Variants in PTK2B observed in about 807,000 individuals in gnomAD.
The protein encoded by PTK2B is protein tyrosine kinase 2 beta.
PTK2B carries 71 observed loss-of-function variants against 142.9 expected under a neutral mutation model. That is an observed-to-expected ratio of 0.50 (90% CI 0.41 to 0.61). The LOEUF (loss-of-function observed/expected upper bound fraction) is 0.61. Ranked by LOEUF, PTK2B falls within the 20% of genes least tolerant of loss-of-function variation. PTK2B has a pLI of 0.00. For synonymous variants in PTK2B, 519 were observed against 503.4 expected, an observed-to-expected ratio of 1.03 and a Z score of -0.42; for missense variants, 1,105 against 1,320.4, an observed-to-expected ratio of 0.84 and a Z score of 2.53.
chr8:27,434,161 G>T lies in PTK2B; in HGVS notation c.1145+29G>T, dbSNP rs780956658. On this transcript the variant is annotated intron_variant, in intron 12 of 30. Transcript: ENST00000346049. ...AGTACAATGGGGTGCAGAGGACAGG[G>T]CCCTGAGCTCAGCCTGTGCTGCTGA... 2.5e-6 allele frequency: 4 copies of T among 1,610,304 alleles called. No homozygotes were observed. In the Admixed American group the frequency reaches 5.0e-5, roughly 20 times the overall value.
chr8:27,426,767 C>A (rs1323774233), intron 5 of PTK2B, among the ~76,000 whole-genome samples: 1 of 152,110 alleles, frequency 6.6e-6, no homozygotes, highest in Non-Finnish European at 1.5e-5. Context: ...ATTGGGGTGA[C>A]CTTGATGTGC....
Position 27,349,196 on chromosome 8 carries a change from A to G in PTK2B, c.-38+23515A>G, listed in dbSNP as rs188093440. Among the ~76,000 whole-genome samples the G allele has an allele frequency of 2.4e-4, 36 of 152,342 alleles. 1 individual carries two copies. Among genetic ancestry groups the G allele is most frequent in the African/African-American group, 6.5e-4 (27 of 41,572 alleles). ...CACTGAGAAAACAACAGAGAAGGCC[A>G]GAGAGTCTAGAGTCTAAAAGTGTAT... On this transcript the variant is annotated intron_variant, in intron 1 of 30. Coordinates refer to ENST00000346049, the MANE Select transcript of PTK2B (RefSeq NM_173176.3).
chr8:27,405,398 G>A (rs1163274817), intron 2 of PTK2B, among the ~76,000 whole-genome samples: 1 of 152,162 alleles, frequency 6.6e-6, no homozygotes, highest in East Asian at 1.9e-4. Context: ...AGGTAGGGAG[G>A]AGGAGGTTAC....
chr8:27,336,945 C>A (rs1804100710), intron 1 of PTK2B, among the ~76,000 whole-genome samples: 1 of 152,088 alleles, frequency 6.6e-6, no homozygotes, highest in Admixed American at 6.5e-5. Flanking sequence ...AAGCGATTCT[C>A]CTGCCTCAGC....
At chr8:27,386,956 A>G (rs533183210) in intron 1 of PTK2B, among the ~76,000 whole-genome samples, 118 of 152,008 alleles carry the variant, frequency 7.8e-4, no homozygotes, top group African/African-American at 2.8e-3. Flanking sequence ...CAAGTCCTAC[A>G]TATCCATGAC....
At chr8:27,457,454 A>C (rs2132588122) in intron 30 of PTK2B, among the ~76,000 whole-genome samples, 1 of 152,344 alleles carries the variant, frequency 6.6e-6, no homozygotes, top group South Asian at 2.1e-4. Context: ...AGTAATTTCT[A>C]CTTTCAACTT....
intron 2 of PTK2B, 57 bp from the exon 3 acceptor site, chr8:27,419,838 T>C (rs1037641315): frequency 3.2e-6 from 5 of 1,583,356 alleles, no homozygotes; most frequent in Middle Eastern, 1.9e-4. Context: ...TGTGTGAGAA[T>C]TATGGGAGCC....
intron 5 of PTK2B, among the ~76,000 whole-genome samples, chr8:27,428,801 C>G (rs182603929): frequency 6.6e-6 from 1 of 152,256 alleles, no homozygotes. Flanking sequence ...GAGGTAATTA[C>G]TTATTTTGCT....
intron 30 of PTK2B, among the ~76,000 whole-genome samples, chr8:27,456,033 C>T (rs770028408): frequency 3.9e-5 from 6 of 152,234 alleles, no homozygotes; most frequent in Non-Finnish European, 8.8e-5. Flanking sequence ...AGTGACAACA[C>T]ATACAGGAGC....
At chr8:27,434,156 A>T in intron 12 of PTK2B, 24 bp downstream of exon 12, 1 of 1,611,854 alleles carries the variant, frequency 6.2e-7, no homozygotes, top group Non-Finnish European at 8.5e-7. Flanking sequence ...GGTGCAGAGG[A>T]CAGGGCCCTG....
At position 27,432,250 on chromosome 8, in the gene PTK2B, T is replaced by C. The variant is rs755516438; in HGVS notation, c.886-10T>C. ...GGGATGGTCTGAAGCTCCCCCTTCT[T>C]TTCCCACAGCCCACCTGCCTGGCCG... On this transcript the variant is annotated splice_polypyrimidine_tract_variant and intron_variant, in intron 9 of 30. Transcript: ENST00000346049. The C allele has an allele frequency of 3.1e-6, 5 of 1,613,672 alleles. No homozygotes were observed. Among genetic ancestry groups the C allele is most frequent in the Non-Finnish European group, 3.4e-6 (4 of 1,179,818 alleles).
chr8:27,435,711 G>A (rs1563286296), intron 13 of PTK2B, 32 bp from the exon 14 acceptor site: 6 of 1,613,444 alleles, frequency 3.7e-6, no homozygotes, highest in Non-Finnish European at 5.1e-6. Flanking sequence ...AGGGCATCTT[G>A]TCCACGGCTG....
rs754877246 is a variant in PTK2B at position 27,387,582 on chromosome 8, C to T, written c.-37-9966C>T. 8.5e-5 allele frequency among the ~76,000 whole-genome samples: 13 copies of T among 152,124 alleles called. No individual in the cohort carries two copies. In the East Asian group the frequency reaches 1.2e-3, roughly 14 times the overall value. The stretch of plus-strand genomic sequence containing the variant: ...TGTTGAATGCCCTTGCCCTAGAAGA[C>T]GGCCTCTCAAACCCCAGGCCCTCAG... On this transcript the variant is annotated intron_variant, in intron 1 of 30. Coordinates refer to ENST00000346049, the MANE Select transcript of PTK2B (RefSeq NM_173176.3).
intron 1 of PTK2B, among the ~76,000 whole-genome samples, chr8:27,333,160 A>G (rs956725569): frequency 1.3e-5 from 2 of 152,200 alleles, no homozygotes; most frequent in African/African-American, 4.8e-5. Context: ...GTAGTCAAAG[A>G]AGAGTATAAA....
At chr8:27,317,998 G>GT (rs963527300) in intron 3 of PTK2B, among the ~76,000 whole-genome samples, 17 of 151,846 alleles carry the variant, frequency 1.1e-4, no homozygotes, top group African/African-American at 3.6e-4. Flanking sequence ...ATATTTTGTG[G>GT]TTTTTTTTCT....
chr8:27,418,064 T>G, intron 2 of PTK2B, among the ~76,000 whole-genome samples: 1 of 152,206 alleles, frequency 6.6e-6, no homozygotes, highest in East Asian at 1.9e-4. Flanking sequence ...ATCCCAGTCT[T>G]CATCCCCTCC....
intron 18 of PTK2B, 42 bp from the exon 19 acceptor site, chr8:27,438,989 G>C: frequency 6.6e-7 from 1 of 1,518,364 alleles, no homozygotes; most frequent in Non-Finnish European, 9.1e-7. Context: ...CTCCCATGGG[G>C]GTGGGCAGTG....
intron 2 of PTK2B, among the ~76,000 whole-genome samples, chr8:27,408,096 T>C (rs1181359031): frequency 6.6e-6 from 1 of 152,098 alleles, no homozygotes; most frequent in African/African-American, 2.4e-5. Context: ...AAGCAAAAGT[T>C]TTTCTCTGAC....
intron 1 of PTK2B, among the ~76,000 whole-genome samples, chr8:27,372,271 G>C (rs1026180105): frequency 3.3e-5 from 5 of 152,228 alleles, no homozygotes; most frequent in Admixed American, 1.3e-4. Context: ...AAGATGTAGA[G>C]ATGTCTATAA....
Sources: gnomAD v4.1 joint callset for allele counts (sites outside exome capture counted in the v4.1 genomes callset) on GRCh38, gnomAD v4.1.1 for gene constraint, MANE v1.5 for transcripts, NCBI Gene and HGNC (gene_info 2026-07-23, HGNC 2026-07-21) for gene names.